The following EMSY variants were observed in gnomAD, a reference collection of about 807,000 sequenced individuals.
EMSY encodes BRCA2-interacting transcriptional repressor EMSY.
Under a neutral mutation model 134.6 loss-of-function variants are expected in EMSY, and 26 were observed. That is an observed-to-expected ratio of 0.19 (90% confidence interval 0.14 to 0.27). The LOEUF is 0.27. Among genes scored for constraint, EMSY ranks in the 10% least tolerant of loss-of-function variants. The pLI is 1.00. For synonymous variants in EMSY, 579 were observed against 577.8 expected, an observed-to-expected ratio of 1.00 and a Z score of -0.03; for missense variants, 1,305 against 1,611.4, an observed-to-expected ratio of 0.81 and a Z score of 3.26.
chr11:76,483,197 A>G (rs1190502737), intron 8 of EMSY, among the ~76,000 whole-genome samples: 1 of 152,216 alleles, frequency 6.6e-6, no homozygotes, highest in Non-Finnish European at 1.5e-5. Context: ...CAGACAAGCA[A>G]ATGCTGAGAG....
chr11:76,487,317 A>G (rs1002835519), intron 8 of EMSY, among the ~76,000 whole-genome samples: 2 of 152,184 alleles, frequency 1.3e-5, no homozygotes, highest in African/African-American at 2.4e-5. Context: ...AAAAACAAAC[A>G]CAGAAACAAA....
chr11:76,494,668 T>A (rs1949561128), intron 8 of EMSY, among the ~76,000 whole-genome samples: 1 of 11,944 alleles, frequency 8.4e-5, no homozygotes, highest in Non-Finnish European at 1.9e-4. Flanking sequence ...CCTTCCTTCC[T>A]TCCTTCCTTC....
At chr11:76,516,186 G>T in exon 11 of EMSY, 1 of 1,613,874 alleles carries the variant, frequency 6.2e-7, no homozygotes, top group South Asian at 1.1e-5. Flanking sequence ...CCCATCCATT[G>T]GTCGGATGGC....
intron 8 of EMSY, among the ~76,000 whole-genome samples, chr11:76,479,653 A>G (rs1948894877): frequency 6.6e-6 from 1 of 152,248 alleles, no homozygotes; most frequent in African/African-American, 2.4e-5. Context: ...ACAGAAAGAC[A>G]AGCTGTTGGA....
At position 76,489,095 on chromosome 11, in the gene EMSY, C is replaced by G. The variant is rs189341786; in HGVS notation, c.1109-7120C>G. Among the ~76,000 whole-genome samples the G allele has an allele frequency of 2.7e-4, 41 of 152,328 alleles. No homozygotes were observed. The East Asian group carries it at 6.4e-3, about 24-fold the overall frequency. On this transcript the variant is annotated intron_variant, in intron 8 of 20. Coordinates refer to ENST00000334736, the Ensembl canonical transcript of EMSY. The stretch of plus-strand genomic sequence containing the variant: ...GTATGGCTGGCTTAGGGCCAGCCCT[C>G]TGAAAGTACATGCCAATGCCTTGTG...
At chr11:76,551,423 C>T (rs1032887146) in exon 21 of EMSY, 3 of 152,714 alleles carry the variant, frequency 2.0e-5, no homozygotes, top group African/African-American at 7.2e-5. Context: ...AGCATAACTG[C>T]CCAGTTTTTT....
At chr11:76,453,215 C>A (rs1167781176) in intron 3 of EMSY, 99 bp from the exon 4 acceptor site, 1 of 1,007,900 alleles carries the variant, frequency 9.9e-7, no homozygotes, top group Non-Finnish European at 1.5e-6. Flanking sequence ...GCAATCTTGT[C>A]CCCCTTCTCC....
At chr11:76,447,005 T>C (rs767903513) in exon 2 of EMSY, 2 of 1,613,616 alleles carry the variant, frequency 1.2e-6, no homozygotes, top group East Asian at 2.2e-5. Flanking sequence ...TCTTCGAAAA[T>C]TGGGTATGAC....
intron 17 of EMSY, chr11:76,541,957 G>A (rs551359461): frequency 2.7e-5 from 16 of 599,550 alleles, no homozygotes; most frequent in African/African-American, 9.3e-5. Context: ...CAGTGCTTCC[G>A]TATACATTTC....
rs199743338 is a variant in EMSY at position 76,488,533 on chromosome 11, T to TG, written c.1109-7682_1109-7681insG. On this transcript the variant is annotated intron_variant, in intron 8 of 20. Transcript: ENST00000334736. Reference sequence around the variant, plus strand: ...ATGGATTATTTATGCTATTTTTTTTTTGTTTTTTTTTTTATTTTTTAGCTG... The same window carrying TG: ...ATGGATTATTTATGCTATTTTTTTTTGTGTTTTTTTTTTTATTTTTTAGCTG... Among the ~76,000 whole-genome samples, 1,362 of 150,310 alleles carry TG rather than the reference T, an allele frequency of 9.1e-3. 13 individuals carry two copies. Among genetic ancestry groups the TG allele is most frequent in the Middle Eastern group, 0.028 (8 of 288 alleles).
Position 76,495,646 on chromosome 11 carries a change from G to T in EMSY, c.1109-569G>T, listed in dbSNP as rs373821584. ...ACAACTTTTCATATGATTATTTAAT[G>T]ATTCAGAGTTCTTAGGAAATGACTT... is the stretch of plus-strand genomic sequence containing the variant. On this transcript the variant is annotated intron_variant, in intron 8 of 20. Transcript: ENST00000334736. Among the ~76,000 whole-genome samples, 6 of 152,148 alleles carry T rather than the reference G, an allele frequency of 3.9e-5. No homozygotes were observed. In the East Asian group the frequency reaches 7.7e-4, roughly 20 times the overall value.
intron 17 of EMSY, chr11:76,541,906 A>C: frequency 1.7e-6 from 1 of 571,656 alleles, no homozygotes; most frequent in Middle Eastern, 4.6e-4. Context: ...GGAGGATGCA[A>C]CTTTAAGGGG....
chr11:76,506,201 A>G (rs1247422857), intron 9 of EMSY, among the ~76,000 whole-genome samples: 1 of 152,186 alleles, frequency 6.6e-6, no homozygotes, highest in African/African-American at 2.4e-5. Flanking sequence ...TTGGAAATAC[A>G]CATAATGCTC....
chr11:76,469,520 T>C (rs1283188978), intron 7 of EMSY, among the ~76,000 whole-genome samples: 1 of 152,256 alleles, frequency 6.6e-6, no homozygotes, highest in Admixed American at 6.5e-5. Context: ...CAGATTGATT[T>C]GATGTATAAT....
intron 20 of EMSY, among the ~76,000 whole-genome samples, chr11:76,548,321 A>G (rs1951725821): frequency 6.6e-6 from 1 of 152,230 alleles, no homozygotes; most frequent in Admixed American, 6.5e-5. Flanking sequence ...TTGATATTAA[A>G]TGCTTTGAAT....
chr11:76,469,626 G>A (rs2135300879), intron 7 of EMSY, among the ~76,000 whole-genome samples: 1 of 152,274 alleles, frequency 6.6e-6, no homozygotes, highest in East Asian at 1.9e-4. Flanking sequence ...AACCTGCTGT[G>A]TGCCTAGCAC....
At chr11:76,446,814 A>G in intron 1 of EMSY, 86 bp from the exon 2 acceptor site, 1 of 769,978 alleles carries the variant, frequency 1.3e-6, no homozygotes, top group Non-Finnish European at 2.1e-6. Flanking sequence ...TTTACTTCTT[A>G]GCCTGTGACT....
At chr11:76,480,084 C>G (rs1371514926) in intron 8 of EMSY, among the ~76,000 whole-genome samples, 1 of 152,200 alleles carries the variant, frequency 6.6e-6, no homozygotes, top group Non-Finnish European at 1.5e-5. Flanking sequence ...ACAAGTTTGT[C>G]AAAGTCACCG....
rs528059588 is a variant in EMSY, at chr11:76,501,873, C to T, written c.1363+5404C>T. Reference sequence around the variant, plus strand: ...AAATAAGATAAACAAAGATCATAAACAGACACATCTCAGTAAAATTGCTGA... The same window carrying T: ...AAATAAGATAAACAAAGATCATAAATAGACACATCTCAGTAAAATTGCTGA... On this transcript the variant is annotated intron_variant, in intron 9 of 20. Coordinates refer to ENST00000334736, the Ensembl canonical transcript of EMSY. 6.6e-5 allele frequency among the ~76,000 whole-genome samples: 10 copies of T among 151,932 alleles called. No individual in the cohort carries two copies. In the South Asian group the frequency reaches 2.1e-3, roughly 32 times the overall value.
Sources: allele counts gnomAD v4.1 joint callset (sites outside exome capture counted in the v4.1 genomes callset), GRCh38; gene constraint gnomAD v4.1.1; transcripts MANE v1.5; gene names NCBI Gene and HGNC (gene_info 2026-07-23, HGNC 2026-07-21).